Variants in CSMD1 observed in about 807,000 individuals in gnomAD.
CSMD1 encodes CUB and Sushi multiple domains 1.
A neutral mutation model predicts 417.5 loss-of-function variants in CSMD1; 213 were observed. That is an observed-to-expected ratio of 0.51 (90% confidence interval 0.46 to 0.57). CSMD1 has a LOEUF of 0.57. CSMD1 is among the 20% of genes least tolerant of loss of function. The probability of loss-of-function intolerance (pLI) is 0.00; values close to 1 mark genes in which losing one functional copy is unlikely to be tolerated. For synonymous variants in CSMD1, 2,862 were observed against 1,736.8 expected, an observed-to-expected ratio of 1.65 and a Z score of -16.11; for missense variants, 6,923 against 4,529.7, an observed-to-expected ratio of 1.53 and a Z score of -15.17.
intron 5 of CSMD1, among the ~76,000 whole-genome samples, chr8:3,760,702 T>C (rs554840808): frequency 1.3e-5 from 2 of 151,748 alleles, no homozygotes; most frequent in Non-Finnish European, 2.9e-5. Context: ...TGGATATCGC[T>C]TTGTTTGAGT....
At chr8:3,549,644 A>T (rs1798824924) in intron 10 of CSMD1, among the ~76,000 whole-genome samples, 1 of 152,182 alleles carries the variant, frequency 6.6e-6, no homozygotes, top group Non-Finnish European at 1.5e-5. Context: ...AGCTAGCATG[A>T]TGGGAGAAAT....
chr8:4,789,313 T>C (rs188288843), intron 1 of CSMD1, among the ~76,000 whole-genome samples: 119 of 152,306 alleles, frequency 7.8e-4, no homozygotes, highest in Admixed American at 7.7e-3. Flanking sequence ...ACACCATCTG[T>C]GGTTTAAAAG....
intron 5 of CSMD1, among the ~76,000 whole-genome samples, chr8:3,768,041 A>C (rs765253421): frequency 6.6e-6 from 1 of 152,206 alleles, no homozygotes; most frequent in South Asian, 2.1e-4. Flanking sequence ...AAACAGAATC[A>C]ATCTTTGACC....
At chr8:2,944,277 G>A (rs768657812) in intron 68 of CSMD1, among the ~76,000 whole-genome samples, 1 of 152,132 alleles carries the variant, frequency 6.6e-6, no homozygotes, top group Non-Finnish European at 1.5e-5. Flanking sequence ...ATTCTGAGAT[G>A]GTTTAAAATT....
chr8:4,320,127 T>C (rs1235984077), intron 3 of CSMD1, among the ~76,000 whole-genome samples: 1 of 152,188 alleles, frequency 6.6e-6, no homozygotes, highest in Non-Finnish European at 1.5e-5. Flanking sequence ...GTAATTTAAC[T>C]GTGTAACAGA....
intron 2 of CSMD1, among the ~76,000 whole-genome samples, chr8:4,503,860 G>C (rs188189814): frequency 1.1e-3 from 164 of 151,292 alleles, no homozygotes; most frequent in African/African-American, 3.7e-3. Context: ...ATTCTTGATG[G>C]AATCACTGGT....
At chr8:4,982,376 C>T (rs1241708103) in intron 1 of CSMD1, among the ~76,000 whole-genome samples, 7 of 152,160 alleles carry the variant, frequency 4.6e-5, no homozygotes, top group African/African-American at 7.2e-5. Context: ...GCATCTGGTC[C>T]TGCGGAGAGG....
chr8:3,489,364 G>T (rs149255591), intron 11 of CSMD1, among the ~76,000 whole-genome samples: 2 of 152,134 alleles, frequency 1.3e-5, no homozygotes, highest in African/African-American at 4.8e-5. Context: ...ATAGAGGGAC[G>T]GGCATTTTAA....
intron 3 of CSMD1, among the ~76,000 whole-genome samples, chr8:4,230,270 T>A (rs1242747692): frequency 6.6e-6 from 1 of 152,204 alleles, no homozygotes; most frequent in African/African-American, 2.4e-5. Flanking sequence ...GAGTATCTTA[T>A]ATTCTAGATT....
In CSMD1 at chr8:3,396,354, G is replaced by C; in HGVS notation, c.2433C>G (p.Thr811=). 6.2e-7 allele frequency: 1 copy of C among 1,600,898 alleles called. No individual in the cohort carries two copies. Among genetic ancestry groups the C allele is most frequent in the Non-Finnish European group, 8.5e-7 (1 of 1,173,648 alleles). The part of the protein sequence containing the change: ...DRFQTEVNYD[T]LEVRDGPASS... Reference sequence around the variant, plus strand: ...TGGCTGGCCCATCTCTGACCTCCAAGGTGTCATAATTGACCTCTGTCTGAA... The same window carrying C: ...TGGCTGGCCCATCTCTGACCTCCAACGTGTCATAATTGACCTCTGTCTGAA... Residue 811 remains threonine, a synonymous_variant, in exon 17 of 70, where the codon ACC becomes ACG. Coordinates refer to ENST00000635120, the MANE Select transcript of CSMD1 (RefSeq NM_033225.6).
At chr8:3,514,412 T>C (rs760054401) in intron 10 of CSMD1, among the ~76,000 whole-genome samples, 86 of 152,322 alleles carry the variant, frequency 5.6e-4, no homozygotes, top group Admixed American at 1.0e-3. Context: ...AATGATTACA[T>C]AATGTCTTGC....
intron 1 of CSMD1, among the ~76,000 whole-genome samples, chr8:4,682,989 T>TATATAA: frequency 9.2e-6 from 1 of 108,400 alleles, no homozygotes; most frequent in Non-Finnish European, 1.9e-5. Flanking sequence ...TATATATATA[T>TATATAA]ATATAGTCAC....
chr8:4,179,425 A>G (rs1167847125), intron 3 of CSMD1, among the ~76,000 whole-genome samples: 1 of 152,110 alleles, frequency 6.6e-6, no homozygotes, highest in Non-Finnish European at 1.5e-5. Flanking sequence ...ACAAAAATCA[A>G]TTCAAGATGG....
chr8:4,988,993 T>G (rs1373685293), intron 1 of CSMD1, among the ~76,000 whole-genome samples: 1 of 152,228 alleles, frequency 6.6e-6, no homozygotes, highest in Non-Finnish European at 1.5e-5. Flanking sequence ...AAAATAGACA[T>G]ACTGGTTAAT....
At chr8:4,936,362 A>G (rs906366310) in intron 1 of CSMD1, among the ~76,000 whole-genome samples, 3 of 152,238 alleles carry the variant, frequency 2.0e-5, no homozygotes, top group African/African-American at 7.2e-5. Flanking sequence ...GGCCTGGTTA[A>G]GGTTTTTAGA....
At chr8:3,437,058 G>C (rs144868585) in intron 12 of CSMD1, among the ~76,000 whole-genome samples, 1 of 152,142 alleles carries the variant, frequency 6.6e-6, no homozygotes, top group Non-Finnish European at 1.5e-5. Flanking sequence ...CTTATCTCTG[G>C]CTATGGTTCT....
At chr8:3,561,287 C>A (rs568007717) in intron 10 of CSMD1, among the ~76,000 whole-genome samples, 2 of 152,294 alleles carry the variant, frequency 1.3e-5, no homozygotes, top group African/African-American at 4.8e-5. Flanking sequence ...TACTAGGTAT[C>A]TACTCAAAGG....
At chr8:4,802,344 T>TGC (rs1284305893) in intron 1 of CSMD1, among the ~76,000 whole-genome samples, 2 of 141,946 alleles carry the variant, frequency 1.4e-5, no homozygotes, top group East Asian at 2.0e-4. Context: ...AAAATGAGTG[T>TGC]GTGCGCGCGT....
At chr8:4,448,871 C>A (rs1208421581) in intron 2 of CSMD1, among the ~76,000 whole-genome samples, 1 of 152,148 alleles carries the variant, frequency 6.6e-6, no homozygotes, top group African/African-American at 2.4e-5. Context: ...ATCCAATTCT[C>A]TTATTCACCA....
Sources: gnomAD v4.1 joint callset for allele counts (sites outside exome capture counted in the v4.1 genomes callset) on GRCh38, gnomAD v4.1.1 for gene constraint, MANE v1.5 for transcripts, NCBI Gene and HGNC (gene_info 2026-07-23, HGNC 2026-07-21) for gene names.